Variants in TOP1MT observed in about 807,000 individuals in gnomAD.
TOP1MT encodes the protein DNA topoisomerase I, mitochondrial.
Under a neutral mutation model 73.9 loss-of-function variants are expected in TOP1MT, and 80 were observed. The observed-to-expected ratio is 1.08, with a 90% CI of 0.90 to 1.30. TOP1MT has a LOEUF of 1.30. Among genes scored for constraint, TOP1MT ranks in the 50% most tolerant of loss-of-function variants. TOP1MT has a pLI of 0.00. For synonymous variants in TOP1MT, 338 were observed against 326.4 expected, an observed-to-expected ratio of 1.04 and a Z score of -0.38; for missense variants, 815 against 808.0, an observed-to-expected ratio of 1.01 and a Z score of -0.10.
At chr8:143,333,221 C>T (rs565058691) in intron 1 of TOP1MT, among the ~76,000 whole-genome samples, 42 of 152,004 alleles carry the variant, frequency 2.8e-4, no homozygotes, top group Non-Finnish European at 5.0e-4. Flanking sequence ...CCGAGGCGGG[C>T]GGATCACTTG....
chr8:143,348,770 A>T (rs373436304), upstream of TOP1MT, among the ~76,000 whole-genome samples: 47 of 152,246 alleles, frequency 3.1e-4, no homozygotes, highest in African/African-American at 1.0e-3. This position sits in a 1 kb window ranked among gnomAD's most constrained non-coding sequence, Gnocchi z 4.6. Context: ...AATGGACGCC[A>T]GCTGACAGCC....
chr8:143,352,233 G>A (rs1479259432), intron 1 of TOP1MT, among the ~76,000 whole-genome samples: 1 of 152,112 alleles, frequency 6.6e-6, no homozygotes, highest in Non-Finnish European at 1.5e-5. Context: ...TTTGACCCAG[G>A]GTCAAACAGT....
In TOP1MT at chr8:143,329,482, C is replaced by G; in HGVS notation, c.239-11G>C. 6.2e-7 allele frequency: 1 copy of G among 1,606,106 alleles called. No homozygotes were observed. The highest frequency in any genetic ancestry group is 8.5e-7 in the Non-Finnish European group (1 of 1,177,902). On this transcript the variant is annotated splice_polypyrimidine_tract_variant and intron_variant, in intron 2 of 13. Transcript: ENST00000329245. The stretch of plus-strand genomic sequence containing the variant: ...ATCTCACAGGCCTTCCTGCAGGCAT[C>G]GGAAGACACATCGTATGAGAGAGCG...
upstream of TOP1MT, among the ~76,000 whole-genome samples, chr8:143,345,163 G>T (rs1261740262): frequency 6.6e-6 from 1 of 152,146 alleles, no homozygotes; most frequent in Admixed American, 6.5e-5. Context: ...CCATAGACAG[G>T]TCCCAGTCCC....
chr8:143,323,426 G>T (rs945919637), intron 7 of TOP1MT, among the ~76,000 whole-genome samples: 5 of 34,180 alleles, frequency 1.5e-4, no homozygotes, highest in East Asian at 9.0e-4. Flanking sequence ...CACACACACA[G>T]GCACGCCACA....
At chr8:143,326,484 G>A (rs1013168937) in intron 3 of TOP1MT, 140 bp from the exon 4 acceptor site, 4 of 1,107,020 alleles carry the variant, frequency 3.6e-6, no homozygotes, top group African/African-American at 1.6e-5. Context: ...CCTGCGCACG[G>A]TCCTGCGGCC....
At chr8:143,309,858 AC>A (rs1815956698) in intron 13 of TOP1MT, 6 of 1,536,828 alleles carry the variant, frequency 3.9e-6, no homozygotes, top group East Asian at 2.4e-5. Context: ...CACTGTCAGC[AC>A]CCCCACTTCA....
chr8:143,323,190 CGCATGCCACACACAG>C (rs1816571706), intron 7 of TOP1MT, among the ~76,000 whole-genome samples: 1 of 122,788 alleles, frequency 8.1e-6, no homozygotes, highest in Non-Finnish European at 1.7e-5. Context: ...ACGCCACACA[CGCATGCCACACACAG>C]GCACGCCACA....
intron 8 of TOP1MT, 144 bp downstream of exon 8, chr8:143,321,057 G>C: frequency 2.4e-6 from 2 of 819,172 alleles, no homozygotes; most frequent in South Asian, 3.6e-5. Flanking sequence ...CCTTTACCCC[G>C]ATCAGCCCCG....
At chr8:143,326,063 C>T (rs1357521710) in intron 4 of TOP1MT, among the ~76,000 whole-genome samples, 159 bp downstream of exon 4, 1 of 152,220 alleles carries the variant, frequency 6.6e-6, no homozygotes, top group Non-Finnish European at 1.5e-5. Flanking sequence ...AGCGGAACGA[C>T]ACTTAAGCAC....
upstream of TOP1MT, among the ~76,000 whole-genome samples, chr8:143,357,679 T>C (rs566356442): frequency 4.7e-4 from 72 of 152,220 alleles, no homozygotes; most frequent in African/African-American, 1.6e-3. Flanking sequence ...CCCAGCACTT[T>C]AGGAGGCTGA....
chr8:143,322,427 TGCACACCACACGCACG>T lies in TOP1MT; in HGVS notation c.961-1057_961-1042del, dbSNP rs1563759268. ...TCACCACACACGCACGCCACACACATGCACACCACACGCACGCCACACACAGGCATGCCACACAGGC... is the reference window on the plus strand; with the variant it reads ...TCACCACACACGCACGCCACACACATCCACACACAGGCATGCCACACAGGC... On this transcript the variant is annotated intron_variant, in intron 7 of 13. Transcript: ENST00000329245. 7.6e-4 allele frequency among the ~76,000 whole-genome samples: 33 copies of T among 43,262 alleles called. 2 individuals are homozygous for T. Among genetic ancestry groups the T allele is most frequent in the African/African-American group, 3.7e-3 (33 of 8,896 alleles). 28.4% of individuals were successfully genotyped at this position (43,262 alleles called of 152,430 possible).
In TOP1MT at chr8:143,331,290, GC is replaced by G; in HGVS notation, c.171del (p.Glu57AspfsTer27). 1 of 1,613,016 alleles carries G rather than the reference GC, an allele frequency of 6.2e-7. No individual in the cohort carries two copies. The highest frequency in any genetic ancestry group is 1.1e-5 in the South Asian group (1 of 90,992). On this transcript the variant is annotated frameshift_variant, in exon 2 of 14. Coordinates refer to ENST00000329245, the MANE Select transcript of TOP1MT (RefSeq NM_052963.3). LOFTEE classifies it high-confidence loss of function. ...HEDGVKWRQLEHKGPYFAPPY... is the reference protein window; with the variant it reads ...HEDGVKWRQLXHKGPYFAPPY... ...GGGGGTGCGAAGTACGGGCCCTTGT[GC>G]TCCAGCTGTCTCCACTTCACCCCGT... is the stretch of plus-strand genomic sequence containing the variant.
At chr8:143,342,215 C>A (rs1167572400) in intron 2 of TOP1MT, among the ~76,000 whole-genome samples, 1 of 122,222 alleles carries the variant, frequency 8.2e-6, no homozygotes, top group African/African-American at 4.2e-5. Flanking sequence ...TTATTAGAGA[C>A]AGAGTCTCGC....
intron 1 of TOP1MT, among the ~76,000 whole-genome samples, chr8:143,351,893 G>A (rs1348771302): frequency 6.6e-6 from 1 of 152,200 alleles, no homozygotes; most frequent in Non-Finnish European, 1.5e-5. Flanking sequence ...AGACCAGCCT[G>A]ACCAACATGG....
intron 1 of TOP1MT, among the ~76,000 whole-genome samples, chr8:143,352,640 T>A (rs1817340666): frequency 6.6e-6 from 1 of 152,216 alleles, no homozygotes; most frequent in Admixed American, 6.5e-5. Context: ...GTTGGTTGGT[T>A]GGTCTAGGCC....
At chr8:143,315,330 G>A (rs1054204981) in intron 12 of TOP1MT, among the ~76,000 whole-genome samples, 3 of 152,146 alleles carry the variant, frequency 2.0e-5, no homozygotes, top group Non-Finnish European at 2.9e-5. Context: ...AAAAGTCTCT[G>A]ATATGCAGAA....
In TOP1MT at chr8:143,325,341, C is replaced by T. The variant is rs143596489; in HGVS notation, c.671+5G>A. ...TGCCCGCCTGCTGCCCGCCCGGCCA[C>T]GCACCTGCTGCAGTTGATAACCACA... On this transcript the variant is annotated splice_donor_5th_base_variant and intron_variant, in intron 5 of 13. Coordinates refer to ENST00000329245, the MANE Select transcript of TOP1MT (RefSeq NM_052963.3). 32 of 1,581,984 alleles carry T rather than the reference C, an allele frequency of 2.0e-5. No homozygotes were observed. Among genetic ancestry groups the T allele is most frequent in the South Asian group, 8.9e-5 (8 of 90,252 alleles).
intron 3 of TOP1MT, among the ~76,000 whole-genome samples, chr8:143,328,885 C>T (rs1041678281): frequency 3.9e-5 from 6 of 152,114 alleles, no homozygotes; most frequent in South Asian, 2.1e-4. Flanking sequence ...AGGCCATGGG[C>T]GAAGGGCAGT....
Sources: allele counts gnomAD v4.1 joint callset (sites outside exome capture counted in the v4.1 genomes callset), GRCh38; gene constraint gnomAD v4.1.1; non-coding constraint Gnocchi (gnomAD v3.1); transcripts MANE v1.5; gene names NCBI Gene and HGNC (gene_info 2026-07-23, HGNC 2026-07-21).